Variants in RBM27 observed in about 807,000 individuals in gnomAD.
RBM27 encodes RNA binding motif protein 27, also known as RNA-binding protein 27.
A neutral mutation model predicts 135.3 loss-of-function variants in RBM27; 22 were observed. The ratio of observed to expected loss-of-function variants is 0.16; its 90% CI spans 0.12 to 0.23. RBM27 has a LOEUF of 0.23. Ranked by LOEUF, RBM27 falls within the 10% of genes least tolerant of loss-of-function variation. The pLI is 1.00. For missense variants in RBM27, 1,009 were observed against 1,281.0 expected (o/e 0.79, Z 3.24); for synonymous variants, 481 against 442.4 (o/e 1.09, Z -1.10).
chr5:146,236,693 G>A (rs1431627905), intron 7 of RBM27, among the ~76,000 whole-genome samples: 1 of 151,512 alleles, frequency 6.6e-6, no homozygotes. Flanking sequence ...GCGTGATTTC[G>A]GCTCACTGCA....
intron 5 of RBM27, 148 bp from the exon 6 acceptor site, chr5:146,230,509 A>G: frequency 1.2e-6 from 1 of 819,866 alleles, no homozygotes; most frequent in East Asian, 2.7e-5. Context: ...TTTAGGATAT[A>G]TTAATAAAGA....
At chr5:146,221,190 A>G (rs936955923) in intron 2 of RBM27, among the ~76,000 whole-genome samples, 1 of 152,208 alleles carries the variant, frequency 6.6e-6, no homozygotes, top group Non-Finnish European at 1.5e-5. Flanking sequence ...AATTAAAAAA[A>G]AAATTACATA....
At chr5:146,216,702 G>C (rs1756208457) in intron 1 of RBM27, among the ~76,000 whole-genome samples, 1 of 152,088 alleles carries the variant, frequency 6.6e-6, no homozygotes, top group Non-Finnish European at 1.5e-5. Context: ...GTGTATCCCA[G>C]GCTGGAGGGT....
intron 1 of RBM27, among the ~76,000 whole-genome samples, chr5:146,213,102 T>G (rs774527351): frequency 3.9e-4 from 59 of 151,940 alleles, no homozygotes; most frequent in East Asian, 9.7e-4. Context: ...ATGGATTTTT[T>G]TTGTTGTTGT....
At position 146,285,825 on chromosome 5, in the gene RBM27, C is replaced by T. The variant is rs1759558437; in HGVS notation, c.3100-122C>T. 3 of 634,062 alleles carry T rather than the reference C, an allele frequency of 4.7e-6. No homozygotes were observed. The Admixed American group carries it at 1.0e-4, about 21-fold the overall frequency. 39.3% of individuals were successfully genotyped at this position (634,062 alleles called of 1,614,324 possible). A position where few individuals can be genotyped will look rare whatever the true frequency, so the allele number is the denominator to read the frequency against. ...TTTTTTGCCCTGAAAGATACTCTTG[C>T]ATGCATCCCTTATGAAATCTAGCCT... On this transcript the variant is annotated intron_variant, in intron 20 of 20. Transcript: ENST00000265271.
intron 3 of RBM27, among the ~76,000 whole-genome samples, chr5:146,227,508 C>T (rs1756730779): frequency 6.6e-6 from 1 of 152,212 alleles, no homozygotes; most frequent in East Asian, 1.9e-4. Flanking sequence ...CATTCACTCA[C>T]TTCCTGATTT....
intron 19 of RBM27, among the ~76,000 whole-genome samples, chr5:146,283,177 G>T (rs1019478902): frequency 2.0e-5 from 3 of 152,020 alleles, no homozygotes; most frequent in Admixed American, 2.0e-4. Flanking sequence ...TCTATAATTG[G>T]GCTGTGTGTT....
chr5:146,254,439 T>G (rs1758021497), intron 9 of RBM27, among the ~76,000 whole-genome samples: 1 of 152,086 alleles, frequency 6.6e-6, no homozygotes, highest in South Asian at 2.1e-4. Context: ...GCATTTTTTT[T>G]TTTTTCAGTT....
At chr5:146,264,315 C>A (rs1386329140) in intron 14 of RBM27, among the ~76,000 whole-genome samples, 3 of 152,010 alleles carry the variant, frequency 2.0e-5, no homozygotes, top group Non-Finnish European at 2.9e-5. Context: ...TCCTGAGTAG[C>A]TGAGATTACA....
chr5:146,221,345 G>T (rs1756456376), intron 2 of RBM27, among the ~76,000 whole-genome samples: 1 of 152,174 alleles, frequency 6.6e-6, no homozygotes, highest in South Asian at 2.1e-4. Flanking sequence ...AGAACTTTGT[G>T]CATATGGTCT....
intron 1 of RBM27, among the ~76,000 whole-genome samples, chr5:146,204,373 AT>A (rs1755534953): frequency 6.6e-6 from 1 of 152,150 alleles, no homozygotes; most frequent in Non-Finnish European, 1.5e-5. Flanking sequence ...ATATTGAAGG[AT>A]TTGAAAAATA....
At position 146,230,769 on chromosome 5, in the gene RBM27, G is replaced by A. The variant is rs1756895578; in HGVS notation, c.702G>A (p.Gln234=). 1 of 1,614,098 alleles carries A rather than the reference G, an allele frequency of 6.2e-7. No individual in the cohort carries two copies. The highest frequency in any genetic ancestry group is 1.3e-5 in the African/African-American group (1 of 75,028). The change falls in exon 6 of 21, where the codon CAG becomes CAA. Residue 234 remains glutamine (Q), a synonymous_variant. Coordinates refer to ENST00000265271, the MANE Select transcript of RBM27 (RefSeq NM_018989.2). ...NSSEQYSSGA[Q]SIPSTVTVIA... ...CTGAGCAGTATTCCTCTGGGGCACAGTCTATTCCCAGCACTGTTACTGTGA... is the reference window on the plus strand; with the variant it reads ...CTGAGCAGTATTCCTCTGGGGCACAATCTATTCCCAGCACTGTTACTGTGA...
intron 1 of RBM27, among the ~76,000 whole-genome samples, chr5:146,215,487 G>A (rs1220338811): frequency 6.6e-6 from 1 of 152,116 alleles, no homozygotes; most frequent in Non-Finnish European, 1.5e-5. Flanking sequence ...TTCCTATAAC[G>A]TCAGAGAAAA....
chr5:146,210,312 A>G (rs1755878371), intron 1 of RBM27, among the ~76,000 whole-genome samples: 1 of 152,196 alleles, frequency 6.6e-6, no homozygotes, highest in Non-Finnish European at 1.5e-5. Flanking sequence ...TGGCTACTAT[A>G]CTAGGAGCTA....
At chr5:146,229,124 T>C (rs142985034) in intron 4 of RBM27, 87 bp downstream of exon 4, 27 of 883,638 alleles carry the variant, frequency 3.1e-5, no homozygotes, top group African/African-American at 3.0e-4. Flanking sequence ...TTAATATATA[T>C]ACTTACTCCT....
chr5:146,269,530 A>G lies in RBM27; in HGVS notation c.2637A>G (p.Glu879=), dbSNP rs1361676803. 1 of 1,581,362 alleles carries G rather than the reference A, an allele frequency of 6.3e-7. No homozygotes were observed. The highest frequency in any genetic ancestry group is 1.4e-5 in the African/African-American group (1 of 73,060). Residue 879 remains glutamate, a synonymous_variant, in exon 17 of 21, where the codon GAA becomes GAG. Transcript: ENST00000265271. ...AGAAGATCTCACAATTAAAAGATGA[A>G]TTAAAAACATCTTCTGCAGTCTCCA... ...LGEKISQLKD[E]LKTSSAVSTP... is the part of the protein sequence containing the mutation.
chr5:146,234,708 C>T (rs984582952), intron 7 of RBM27, among the ~76,000 whole-genome samples: 2 of 151,664 alleles, frequency 1.3e-5, no homozygotes, highest in East Asian at 1.9e-4. Context: ...AAATATAAAA[C>T]GTTATCTGCT....
intron 8 of RBM27, chr5:146,245,294 T>C (rs1757577625): frequency 6.6e-6 from 1 of 152,206 alleles, no homozygotes; most frequent in African/African-American, 2.4e-5. Context: ...TATATACTTT[T>C]GGCTTTTACA....
chr5:146,279,889 A>G (rs1030153889), intron 19 of RBM27, among the ~76,000 whole-genome samples: 7 of 152,008 alleles, frequency 4.6e-5, no homozygotes, highest in Non-Finnish European at 8.8e-5. Flanking sequence ...AAAGATAGTC[A>G]CTATTCTTAG....
Sources: allele counts gnomAD v4.1 joint callset (sites outside exome capture counted in the v4.1 genomes callset), GRCh38; gene constraint gnomAD v4.1.1; transcripts MANE v1.5; gene names NCBI Gene and HGNC (gene_info 2026-07-23, HGNC 2026-07-21).